CHST3: variants seen among roughly 807,000 people sequenced by gnomAD.
CHST3 encodes carbohydrate sulfotransferase 3.
In CHST3, 20 loss-of-function variants were observed where a neutral mutation model predicts 35.4. The ratio of observed to expected loss-of-function variants is 0.57; its 90% CI spans 0.40 to 0.82. CHST3 has a LOEUF of 0.82. Ranked by LOEUF, CHST3 falls within the 40% of genes least tolerant of loss-of-function variation. The pLI, the probability that CHST3 is intolerant of heterozygous loss-of-function variation, is 0.00. For missense variants in CHST3, 693 were observed against 670.1 expected (o/e 1.03, Z -0.38); for synonymous variants, 334 against 295.9 (o/e 1.13, Z -1.32).
At chr10:71,985,167 C>T (rs1839836099) in intron 1 of CHST3, among the ~76,000 whole-genome samples, 1 of 152,224 alleles carries the variant, frequency 6.6e-6, no homozygotes, top group African/African-American at 2.4e-5. Context: ...CTCCTTCGCC[C>T]CAAGGCCATG....
Position 72,011,017 on chromosome 10 carries a change from A to T in CHST3, c.*2546A>T, listed in dbSNP as rs527242888. The T allele has an allele frequency of 7.2e-5, 11 of 152,332 alleles. No individual in the cohort carries two copies. The highest frequency in any genetic ancestry group is 3.3e-4 in the Admixed American group (5 of 15,298). The allele number at this position is 152,332 out of a possible 1,614,324, so 9.4% of individuals were successfully genotyped here. A position where few individuals can be genotyped will look rare whatever the true frequency, so the allele number is the denominator to read the frequency against. On this transcript the variant is annotated 3_prime_UTR_variant, in exon 3 of 3. Coordinates refer to ENST00000373115, the MANE Select transcript of CHST3 (RefSeq NM_004273.5). ...CAATGTGCACACTGCAGGTTGACTTAATTTATTTATTTTTTGAAAAGAAGA... is the reference window on the plus strand; with the variant it reads ...CAATGTGCACACTGCAGGTTGACTTTATTTATTTATTTTTTGAAAAGAAGA...
chr10:71,990,181 A>G (rs1309800917), intron 1 of CHST3, among the ~76,000 whole-genome samples: 1 of 152,146 alleles, frequency 6.6e-6, no homozygotes, highest in Non-Finnish European at 1.5e-5. Flanking sequence ...CAAATACCAT[A>G]CACTGAGAAA....
chr10:72,011,061 A>T lies in CHST3; in HGVS notation c.*2590A>T, dbSNP rs915719326. The T allele has an allele frequency of 6.6e-6, 1 of 152,246 alleles. No homozygotes were observed. Among genetic ancestry groups the T allele is most frequent in the African/African-American group, 2.4e-5 (1 of 41,462 alleles). The allele number at this position is 152,246 out of a possible 1,614,324, so 9.4% of individuals were successfully genotyped here. On this transcript the variant is annotated 3_prime_UTR_variant, in exon 3 of 3. Transcript: ENST00000373115. Reference sequence around the variant, plus strand: ...AAGAAGAGACAGAAAATACCTTATTATCTGCAGGGACTCAAAGCTGTACCC... The same window carrying T: ...AAGAAGAGACAGAAAATACCTTATTTTCTGCAGGGACTCAAAGCTGTACCC...
rs1033310819 is a variant in CHST3 at position 72,009,031 on chromosome 10, G to C, written c.*560G>C. The C allele has an allele frequency of 1.3e-5, 2 of 153,070 alleles. No individual in the cohort carries two copies. The highest frequency in any genetic ancestry group is 4.8e-5 in the African/African-American group (2 of 41,420). The allele number at this position is 153,070 out of a possible 1,614,324, so 9.5% of individuals were successfully genotyped here. ...AGAGCGATTCAGCGTTTTCATGAAT[G>C]GGTTGGCTGTGCTGGTTACTGATGA... is the stretch of plus-strand genomic sequence containing the variant. On this transcript the variant is annotated 3_prime_UTR_variant, in exon 3 of 3. Transcript: ENST00000373115.
At chr10:71,973,419 C>T (rs1010852243) in intron 1 of CHST3, among the ~76,000 whole-genome samples, 3 of 152,208 alleles carry the variant, frequency 2.0e-5, no homozygotes, top group South Asian at 2.1e-4. Context: ...CCCCAGGGTC[C>T]AGTTCCCATC....
intron 1 of CHST3, among the ~76,000 whole-genome samples, chr10:71,967,781 A>G (rs1366266191): frequency 6.6e-6 from 1 of 152,170 alleles, no homozygotes; most frequent in African/African-American, 2.4e-5. Flanking sequence ...ACTAATTTAC[A>G]TACCCATCAG....
intron 1 of CHST3, among the ~76,000 whole-genome samples, chr10:71,968,480 CTTTAG>C (rs751322598): frequency 1.2e-4 from 19 of 152,148 alleles, no homozygotes; most frequent in Non-Finnish European, 2.4e-4. Context: ...TGCAGAGGCT[CTTTAG>C]TTTAATTAGG....
At chr10:71,976,953 G>A (rs1215904431) in intron 1 of CHST3, among the ~76,000 whole-genome samples, 2 of 152,102 alleles carry the variant, frequency 1.3e-5, no homozygotes, top group South Asian at 2.1e-4. Context: ...TTCCCATGCC[G>A]GACTCAGACA....
chr10:71,999,372 C>T (rs1403107000), intron 1 of CHST3, among the ~76,000 whole-genome samples: 2 of 152,232 alleles, frequency 1.3e-5, no homozygotes, highest in Non-Finnish European at 2.9e-5. Context: ...ACCCAGCACA[C>T]ATGGAGCTTT....
intron 1 of CHST3, among the ~76,000 whole-genome samples, chr10:71,994,873 T>C (rs1452949859): frequency 6.6e-6 from 1 of 152,216 alleles, no homozygotes; most frequent in African/African-American, 2.4e-5. Flanking sequence ...GTTATGGAGA[T>C]GTCTTCTTTC....
intron 1 of CHST3, among the ~76,000 whole-genome samples, chr10:71,976,519 C>T (rs1839747230): frequency 6.6e-6 from 1 of 152,226 alleles, no homozygotes; most frequent in Non-Finnish European, 1.5e-5. Flanking sequence ...CTCCCCAGCC[C>T]CAGTCTCATC....
chr10:71,974,202 G>C lies in CHST3; in HGVS notation c.-108+9508G>C, dbSNP rs554168238. On this transcript the variant is annotated intron_variant, in intron 1 of 2. Coordinates refer to ENST00000373115, the MANE Select transcript of CHST3 (RefSeq NM_004273.5). ...CAGCTAGAAAAGGAAATTGAGGTCA[G>C]ATCATAGAGGCCCTTGAATGTCATT... 9.8e-5 allele frequency among the ~76,000 whole-genome samples: 15 copies of C among 152,340 alleles called. No individual in the cohort carries two copies. In the East Asian group the frequency reaches 2.9e-3, roughly 29 times the overall value.
intron 1 of CHST3, among the ~76,000 whole-genome samples, chr10:71,996,421 A>G (rs1445384997): frequency 7.7e-6 from 1 of 130,438 alleles, no homozygotes. Context: ...CTGTCTCTCT[A>G]CCAACCCCCC....
At chr10:71,977,447 G>A (rs977734370) in intron 1 of CHST3, among the ~76,000 whole-genome samples, 1 of 111,494 alleles carries the variant, frequency 9.0e-6, no homozygotes, top group African/African-American at 4.4e-5. Flanking sequence ...CCCTAAGCTC[G>A]ATTTTTTTTT....
intron 1 of CHST3, among the ~76,000 whole-genome samples, chr10:71,977,082 G>A (rs1045580564): frequency 1.3e-5 from 2 of 152,164 alleles, no homozygotes; most frequent in African/African-American, 4.8e-5. Flanking sequence ...AAAATAACCT[G>A]GAAATAGCAT....
In CHST3 at chr10:72,007,428, C is replaced by T; in HGVS notation, c.397C>T (p.Arg133Cys). ...CAGACCGGCCGTGGCGGGGCCCCGG[C>T]GCCACGTGCTGCTCATGGCCACCAC... is the stretch of plus-strand genomic sequence containing the variant. ...PPRPAVAGPR[R>C]HVLLMATTRT... Residue 133 changes from arginine to cysteine, a missense_variant, in exon 3 of 3, where the codon CGC (arginine) becomes TGC (cysteine). Physicochemically the swap from Arg to Cys is radical, Grantham distance 180 (BLOSUM62 -3). Coordinates refer to ENST00000373115, the MANE Select transcript of CHST3 (RefSeq NM_004273.5). 6.2e-7 allele frequency: 1 copy of T among 1,603,124 alleles called. No homozygotes were observed. The highest frequency in any genetic ancestry group is 1.1e-5 in the South Asian group (1 of 90,718).
chr10:71,987,143 C>G (rs754584396), intron 1 of CHST3, among the ~76,000 whole-genome samples: 2 of 152,144 alleles, frequency 1.3e-5, no homozygotes, highest in African/African-American at 4.8e-5. Context: ...CAGAGGATAG[C>G]AGCAGACACA....
intron 1 of CHST3, among the ~76,000 whole-genome samples, chr10:71,985,346 G>A (rs1440390731): frequency 6.6e-6 from 1 of 152,204 alleles, no homozygotes; most frequent in Non-Finnish European, 1.5e-5. Context: ...GCTGATGGGG[G>A]ATCACATATC....
intron 2 of CHST3, among the ~76,000 whole-genome samples, 193 bp from the exon 3 acceptor site, chr10:72,006,979 C>T (rs1840044885): frequency 6.6e-6 from 1 of 152,272 alleles, no homozygotes; most frequent in South Asian, 2.1e-4. Context: ...CCCTGCCTCA[C>T]TTCCCCATCC....
Sources: allele counts gnomAD v4.1 joint callset (sites outside exome capture counted in the v4.1 genomes callset), GRCh38; gene constraint gnomAD v4.1.1; transcripts MANE v1.5; gene names NCBI Gene and HGNC (gene_info 2026-07-23, HGNC 2026-07-21).